HRH1: variants seen among roughly 807,000 people sequenced by gnomAD.
HRH1 encodes histamine receptor H1.
In HRH1, 6 loss-of-function variants were observed where a neutral mutation model predicts 10.3. The observed-to-expected ratio is 0.58, with a 90% CI of 0.32 to 1.15. The LOEUF (loss-of-function observed/expected upper bound fraction) is 1.15. Among genes scored for constraint, HRH1 ranks in the 50% most tolerant of loss-of-function variants. The pLI is 0.05. For missense variants in HRH1, 514 were observed against 615.3 expected (o/e 0.84, Z 1.74); for synonymous variants, 242 against 236.7 (o/e 1.02, Z -0.21).
chr3:11,236,143 A>G (rs917392459), intron 1 of HRH1, among the ~76,000 whole-genome samples: 1 of 152,246 alleles, frequency 6.6e-6, no homozygotes, highest in Non-Finnish European at 1.5e-5. Flanking sequence ...GAAAGAAGAC[A>G]TCTCAATATG....
intron 1 of HRH1, among the ~76,000 whole-genome samples, chr3:11,251,869 A>G (rs907562124): frequency 2.0e-5 from 3 of 152,174 alleles, no homozygotes; most frequent in Admixed American, 2.0e-4. Flanking sequence ...TCTGTTAGCA[A>G]AGTAGTTGCC....
chr3:11,201,619 GAAAC>G (rs754418569), intron 1 of HRH1, among the ~76,000 whole-genome samples: 10 of 152,152 alleles, frequency 6.6e-5, no homozygotes, highest in Non-Finnish European at 1.5e-5. Context: ...GGGGTTCCAA[GAAAC>G]AGGCTGAAAA....
In HRH1 at chr3:11,168,198, G is replaced by A. The variant is rs577453569; in HGVS notation, c.-36+13644G>A. Among the ~76,000 whole-genome samples, 4 of 152,356 alleles carry A rather than the reference G, an allele frequency of 2.6e-5. No individual in the cohort carries two copies. In the South Asian group the frequency reaches 8.3e-4, roughly 32 times the overall value. On this transcript the variant is annotated intron_variant, in intron 1 of 1. Transcript: ENST00000431010. ...GCTAGAAGGGGTTTGGAATGTTCCA[G>A]AAAGAGTGAGGAGGCTAGAGTGGCA...
At chr3:11,200,636 C>T (rs1398430057) in intron 1 of HRH1, among the ~76,000 whole-genome samples, 1 of 152,222 alleles carries the variant, frequency 6.6e-6, no homozygotes, top group Non-Finnish European at 1.5e-5. Context: ...TCTGCATCCC[C>T]ACACTTATAC....
intron 1 of HRH1, among the ~76,000 whole-genome samples, chr3:11,144,152 A>G (rs370006597): frequency 7.9e-5 from 12 of 152,188 alleles, no homozygotes; most frequent in Admixed American, 4.6e-4. Flanking sequence ...AGATTTCTCA[A>G]AGAACTAAAA....
chr3:11,254,547 ATCTG>A (rs1474247282), intron 1 of HRH1, among the ~76,000 whole-genome samples: 1 of 152,184 alleles, frequency 6.6e-6, no homozygotes, highest in Non-Finnish European at 1.5e-5. Flanking sequence ...TCGCCACAGT[ATCTG>A]TCTGCCTTTT....
Position 11,189,263 on chromosome 3 carries a change from A to G in HRH1, c.-36+34709A>G, listed in dbSNP as rs535979661. Among the ~76,000 whole-genome samples, 15 of 152,256 alleles carry G rather than the reference A, an allele frequency of 9.9e-5. No homozygotes were observed. The South Asian group carries it at 2.3e-3, about 23-fold the overall frequency. On this transcript the variant is annotated intron_variant, in intron 1 of 1. Coordinates refer to ENST00000431010, the MANE Select transcript of HRH1 (RefSeq NM_001098212.2). ...AGACACGCTCAGACTTATGTCATAG[A>G]CCAGCTGAGTGGGTAGGGGAACGGC...
intron 1 of HRH1, among the ~76,000 whole-genome samples, chr3:11,230,968 C>A (rs1939024337): frequency 6.6e-6 from 1 of 152,138 alleles, no homozygotes; most frequent in Non-Finnish European, 1.5e-5. Context: ...GTTCCGTCAC[C>A]AATGTTGCCT....
At chr3:11,148,209 T>C (rs2124998147) in intron 1 of HRH1, among the ~76,000 whole-genome samples, 2 of 147,530 alleles carry the variant, frequency 1.4e-5, no homozygotes, top group African/African-American at 2.5e-5. Flanking sequence ...GAAAAGAAAC[T>C]CTTCCTTCTC....
intron 1 of HRH1, among the ~76,000 whole-genome samples, chr3:11,251,982 A>T (rs773553487): frequency 6.6e-6 from 1 of 152,128 alleles, no homozygotes; most frequent in Non-Finnish European, 1.5e-5. Context: ...TTGGGTAAGT[A>T]CTCCCAAGGC....
intron 1 of HRH1, among the ~76,000 whole-genome samples, chr3:11,176,162 C>A (rs1382433660): frequency 7.6e-6 from 1 of 130,960 alleles, no homozygotes; most frequent in African/African-American, 3.7e-5. Context: ...GAGTGAGAAC[C>A]TGTCTCAAAA....
chr3:11,259,559 G>A lies in HRH1; in HGVS notation c.522G>A (p.Val174=). Residue 174 remains valine, a synonymous_variant, in exon 2 of 2, where the codon GTG becomes GTA. Transcript: ENST00000431010. The surrounding 1 kb of genome is among the most constrained non-coding windows in gnomAD (Gnocchi z 4.6). ...GWNHFMQQTS[V]RREDKCETDF... is the part of the protein sequence containing the mutation. ...ATCACTTCATGCAGCAGACCTCGGT[G>A]CGCCGAGAGGACAAGTGTGAGACAG... 5 of 1,614,074 alleles carry A rather than the reference G, an allele frequency of 3.1e-6. No homozygotes were observed. The highest frequency in any genetic ancestry group is 1.1e-5 in the South Asian group (1 of 91,076).
intron 1 of HRH1, among the ~76,000 whole-genome samples, chr3:11,242,656 T>C (rs1314716513): frequency 6.6e-6 from 1 of 152,120 alleles, no homozygotes; most frequent in Non-Finnish European, 1.5e-5. Flanking sequence ...TTTTCTATCA[T>C]AAATAATGTT....
At chr3:11,142,531 T>A (rs993102013) in intron 1 of HRH1, among the ~76,000 whole-genome samples, 6 of 152,200 alleles carry the variant, frequency 3.9e-5, no homozygotes, top group African/African-American at 1.4e-4. Flanking sequence ...CAATCAGAGA[T>A]AGCAATGAGG....
At chr3:11,254,912 G>C (rs559518174) in intron 1 of HRH1, among the ~76,000 whole-genome samples, 1 of 152,188 alleles carries the variant, frequency 6.6e-6, no homozygotes, top group Non-Finnish European at 1.5e-5. Flanking sequence ...TGTCCTTTCC[G>C]CATTGGCTGG....
At chr3:11,248,375 A>G (rs182714431) in intron 1 of HRH1, among the ~76,000 whole-genome samples, 27 of 152,336 alleles carry the variant, frequency 1.8e-4, no homozygotes, top group Admixed American at 1.5e-3. Context: ...CTTTGAATTC[A>G]TCTGGTACCC....
chr3:11,156,389 C>G (rs987450945), intron 1 of HRH1, among the ~76,000 whole-genome samples: 2 of 152,102 alleles, frequency 1.3e-5, no homozygotes, highest in African/African-American at 4.8e-5. Context: ...TCCTTCCTGA[C>G]CCTCAGCTGA....
intron 1 of HRH1, among the ~76,000 whole-genome samples, chr3:11,158,783 C>T (rs1936869075): frequency 1.3e-5 from 2 of 152,128 alleles, no homozygotes; most frequent in African/African-American, 4.8e-5. Context: ...ATCCAGAAAT[C>T]TTGTTAAACT....
chr3:11,259,745 A>C lies in HRH1; in HGVS notation c.708A>C (p.Glu236Asp). The change falls in exon 2 of 2, where the codon GAA (glutamate) becomes GAC (aspartate). Residue 236 changes from glutamate (E) to aspartate (D), a missense_variant. Transcript: ENST00000431010. This position sits in a 1 kb window ranked among gnomAD's most constrained non-coding sequence, Gnocchi z 4.6. ...ATAGGTCCCTCCCTTCCTTCTCAGA[A>C]ATTAAGCTGAGGCCAGAGAACCCCA... ...LINRSLPSFSEIKLRPENPKG... is the reference protein window; with the variant it reads ...LINRSLPSFSDIKLRPENPKG... The C allele has an allele frequency of 6.2e-7, 1 of 1,613,998 alleles. No individual in the cohort carries two copies. Among genetic ancestry groups the C allele is most frequent in the East Asian group, 2.2e-5 (1 of 44,874 alleles).
Sources: gnomAD v4.1 joint callset for allele counts (sites outside exome capture counted in the v4.1 genomes callset) on GRCh38, gnomAD v4.1.1 for gene constraint, Gnocchi (gnomAD v3.1) non-coding constraint, MANE v1.5 for transcripts, NCBI Gene and HGNC (gene_info 2026-07-23, HGNC 2026-07-21) for gene names.